The following GATA5 variants were observed in gnomAD, a reference collection of about 807,000 sequenced individuals.
The protein encoded by GATA5 is GATA binding protein 5.
A neutral mutation model predicts 35.0 loss-of-function variants in GATA5; 27 were observed. The observed-to-expected ratio is 0.77, with a 90% CI of 0.57 to 1.06. The LOEUF (loss-of-function observed/expected upper bound fraction) is 1.06, where lower values mean the gene tolerates loss of function less well. GATA5 is among the 50% of genes least tolerant of loss of function. The pLI is 0.00. For synonymous variants in GATA5, 306 were observed against 267.8 expected, an observed-to-expected ratio of 1.14 and a Z score of -1.39; for missense variants, 612 against 580.0, an observed-to-expected ratio of 1.06 and a Z score of -0.57.
intron 2 of GATA5, 47 bp from the exon 3 acceptor site, chr20:62,473,625 A>T: frequency 5.2e-6 from 8 of 1,536,960 alleles, no homozygotes; most frequent in Non-Finnish European, 6.1e-6. Context: ...CCTCCCCAGG[A>T]TCCTCCCCAG....
At chr20:62,473,219 C>A (rs1317310478) in intron 3 of GATA5, among the ~76,000 whole-genome samples, 184 bp downstream of exon 3, 1 of 152,254 alleles carries the variant, frequency 6.6e-6, no homozygotes, top group Non-Finnish European at 1.5e-5. Flanking sequence ...CCTGCCCTGC[C>A]CTGAGCGCTC....
At chr20:62,467,999 GTCTGTTACAGCCTGCCTCGGTTTCCCCA>G (rs1437623285) in intron 3 of GATA5, among the ~76,000 whole-genome samples, 3 of 148,618 alleles carry the variant, frequency 2.0e-5, no homozygotes. Context: ...CGGCTTCCCC[GTCTGTTACAGCCTGCCTCGGTTTCCCCA>G]TCTGTTACAG....
In GATA5 at chr20:62,475,052, C is replaced by A; in HGVS notation, c.470G>T (p.Gly157Val). Reference protein sequence around the residue: ...SPDVAQSWTAGPFDGSVLHGL... With the variant: ...SPDVAQSWTAVPFDGSVLHGL... ...GTGCAGGACGCTGCCATCGAAGGGC[C>A]CGGCAGTCCAGGACTGGGCCACGTC... The change falls in exon 2 of 7, where the codon GGG becomes GTG. Residue 157 changes from glycine to valine, a missense_variant. Physicochemically the swap from Gly to Val is moderately radical, Grantham distance 109 (BLOSUM62 -3). Transcript: ENST00000252997. 1 of 1,412,596 alleles carries A rather than the reference C, an allele frequency of 7.1e-7. No homozygotes were observed. 87.5% of individuals were successfully genotyped at this position (1,412,596 alleles called of 1,614,324 possible). A position where few individuals can be genotyped will look rare whatever the true frequency, so the allele number is the denominator to read the frequency against.
At chr20:62,473,659 C>T in intron 2 of GATA5, 81 bp from the exon 3 acceptor site, 5 of 1,362,026 alleles carry the variant, frequency 3.7e-6, no homozygotes, top group Non-Finnish European at 5.0e-6. Context: ...ACCCTCCCCT[C>T]CCCAGGAGCC....
rs1555896022 is a variant in GATA5, at chr20:62,465,865, T to C, written c.882A>G (p.Pro294=). Residue 294 remains proline (P), a synonymous_variant, in exon 5 of 7, where the codon CCA becomes CCG. Transcript: ENST00000252997. ...KESIQTRKRK[P]KTIAKARGSS... The stretch of plus-strand genomic sequence containing the variant: ...AGCCCCTGGCCTTGGCGATGGTCTT[T>C]GGCTTCCGCTTCCGTGTCTGGATGC... The C allele has an allele frequency of 6.3e-7, 1 of 1,597,098 alleles. No individual in the cohort carries two copies. The highest frequency in any genetic ancestry group is 2.3e-5 in the East Asian group (1 of 44,274).
intron 3 of GATA5, among the ~76,000 whole-genome samples, chr20:62,471,010 A>G (rs1256652572): frequency 1.3e-5 from 2 of 152,094 alleles, no homozygotes; most frequent in Non-Finnish European, 2.9e-5. Flanking sequence ...AGCTAATTTA[A>G]CTTTTACAGC....
rs782204309 is a variant in GATA5 at position 62,465,398 on chromosome 20, G to A, written c.980C>T (p.Ser327Leu). The part of the protein sequence containing the change: ...VASTDSSAAT[S>L]KAKPSLASPV... ...GGACGCCAGGCTGGGCTTGGCTTTC[G>A]AAGTGGCTGCTGAGCTGTCAGTGCT... Residue 327 changes from serine (S) to leucine (L), a missense_variant, in exon 6 of 7, where the codon TCG (serine) becomes TTG (leucine). Transcript: ENST00000252997. The A allele has an allele frequency of 6.2e-6, 10 of 1,607,352 alleles. 1 individual carries two copies. In the South Asian group the frequency reaches 7.7e-5, roughly 12 times the overall value.
In GATA5 at chr20:62,475,847, G is replaced by C. The variant is rs547834243; in HGVS notation, c.-22+83C>G. The C allele has an allele frequency of 5.4e-4, 117 of 215,710 alleles. 2 individuals are homozygous for C. In the South Asian group the frequency reaches 0.015, roughly 29 times the overall value. 13.4% of individuals were successfully genotyped at this position (215,710 alleles called of 1,614,324 possible). On this transcript the variant is annotated intron_variant, in intron 1 of 6. Coordinates refer to ENST00000252997, the MANE Select transcript of GATA5 (RefSeq NM_080473.5). ...GGCCTGGCGCGGCCGCAGGACGCAG[G>C]GCCTGGAGAGCGGGGCCCCGCCGCG...
Position 62,470,218 on chromosome 20 carries a change from A to C in GATA5, c.699+3185T>G, listed in dbSNP as rs1989689652. Among the ~76,000 whole-genome samples the C allele has an allele frequency of 6.6e-6, 1 of 152,226 alleles. No individual in the cohort carries two copies. The highest frequency in any genetic ancestry group is 1.5e-5 in the Non-Finnish European group (1 of 68,042). On this transcript the variant is annotated intron_variant, in intron 3 of 6. Coordinates refer to ENST00000252997, the MANE Select transcript of GATA5 (RefSeq NM_080473.5). The surrounding 1 kb of genome is among the most constrained non-coding windows in gnomAD (Gnocchi z 4.6). Reference sequence around the variant, plus strand: ...GGCCGGTGCTGGCGGAAATTCAAGGAAGGCGGGAGAGGGAAGGAGGTTCGA... The same window carrying C: ...GGCCGGTGCTGGCGGAAATTCAAGGCAGGCGGGAGAGGGAAGGAGGTTCGA...
chr20:62,470,595 C>T lies in GATA5; in HGVS notation c.699+2808G>A, dbSNP rs1555896460. On this transcript the variant is annotated intron_variant, in intron 3 of 6. Transcript: ENST00000252997. This position sits in a 1 kb window ranked among gnomAD's most constrained non-coding sequence, Gnocchi z 4.6. ...TAGGTGCCTGACTCCAGGTAAGGAC[C>T]AGTCTTGCTCAGCGGGAAGGGACGC... Among the ~76,000 whole-genome samples the T allele has an allele frequency of 1.3e-5, 2 of 152,166 alleles. No individual in the cohort carries two copies. The highest frequency in any genetic ancestry group is 2.9e-5 in the Non-Finnish European group (2 of 68,024).
chr20:62,465,932 T>G lies in GATA5; in HGVS notation c.826-11A>C, dbSNP rs1016722451. ...CAGAGGCCGCGGCACCTGGCAGGGGTGGCGAGGGTGGAGGCTGGTCCCATC... is the reference window on the plus strand; with the variant it reads ...CAGAGGCCGCGGCACCTGGCAGGGGGGGCGAGGGTGGAGGCTGGTCCCATC... On this transcript the variant is annotated splice_polypyrimidine_tract_variant and intron_variant, in intron 4 of 6. Transcript: ENST00000252997. 9 of 1,569,074 alleles carry G rather than the reference T, an allele frequency of 5.7e-6. No homozygotes were observed. The highest frequency in any genetic ancestry group is 7.8e-6 in the Non-Finnish European group (9 of 1,156,086).
chr20:62,472,741 G>A (rs1196809073), intron 3 of GATA5, among the ~76,000 whole-genome samples: 24 of 152,212 alleles, frequency 1.6e-4, no homozygotes, highest in African/African-American at 9.6e-5. Context: ...TGCCCTGCCT[G>A]GGGCAAAAGT....
At chr20:62,472,511 G>A (rs1425576716) in intron 3 of GATA5, among the ~76,000 whole-genome samples, 1 of 152,180 alleles carries the variant, frequency 6.6e-6, no homozygotes, top group Non-Finnish European at 1.5e-5. Context: ...GACCCCGCAC[G>A]GAGTCCACAC....
chr20:62,467,239 G>C (rs1288616179), intron 3 of GATA5, among the ~76,000 whole-genome samples: 1 of 152,238 alleles, frequency 6.6e-6, no homozygotes, highest in Non-Finnish European at 1.5e-5. Flanking sequence ...CTCAGCTGGG[G>C]CTCAGGAATC....
Position 62,475,513 on chromosome 20 carries a change from C to T in GATA5, c.9G>A (p.Gln3=). The T allele has an allele frequency of 7.6e-7, 1 of 1,317,566 alleles. No homozygotes were observed. Among genetic ancestry groups the T allele is most frequent in the Non-Finnish European group, 9.7e-7 (1 of 1,035,246 alleles). 81.6% of individuals were successfully genotyped at this position (1,317,566 alleles called of 1,614,324 possible). A position where few individuals can be genotyped will look rare whatever the true frequency, so the allele number is the denominator to read the frequency against. ...GGGGGCTCGCGGCCAGCGCCAGGCT[C>T]TGGTACATCCTCCCAGGCGTGGTCT... The part of the protein sequence containing the change: MY[Q]SLALAASPRQ... Residue 3 remains glutamine (Q), a synonymous_variant, in exon 2 of 7, where the codon CAG becomes CAA. Transcript: ENST00000252997.
At chr20:62,466,281 C>A in intron 4 of GATA5, 145 bp downstream of exon 4, 1 of 975,476 alleles carries the variant, frequency 1.0e-6, no homozygotes, top group Non-Finnish European at 1.5e-6. Context: ...CGCAGTCGGC[C>A]GGCCGGGACA....
At chr20:62,475,851 T>G in intron 1 of GATA5, 79 bp downstream of exon 1, 9 of 190,224 alleles carry the variant, frequency 4.7e-5, no homozygotes, top group Non-Finnish European at 6.4e-5. Context: ...ACGCAGGGCC[T>G]GGAGAGCGGG....
intron 3 of GATA5, among the ~76,000 whole-genome samples, chr20:62,472,169 A>T (rs1569047646): frequency 1.3e-5 from 2 of 151,558 alleles, no homozygotes; most frequent in Non-Finnish European, 2.9e-5. Flanking sequence ...AGGGGGATGG[A>T]CTCCTAGGAG....
At chr20:62,469,669 C>T (rs984071110) in intron 3 of GATA5, among the ~76,000 whole-genome samples, 3 of 152,270 alleles carry the variant, frequency 2.0e-5, no homozygotes, top group Admixed American at 1.3e-4. Context: ...CTGGAACCCA[C>T]CTTGAATGTT....
Sources: allele counts gnomAD v4.1 joint callset (sites outside exome capture counted in the v4.1 genomes callset), GRCh38; gene constraint gnomAD v4.1.1; non-coding constraint Gnocchi (gnomAD v3.1); transcripts MANE v1.5; gene names NCBI Gene and HGNC (gene_info 2026-07-23, HGNC 2026-07-21).